TRPM7: variants seen among roughly 807,000 people sequenced by gnomAD.
TRPM7 encodes the protein LTRPC ion channel family member 7.
In TRPM7, 134 loss-of-function variants were observed where a neutral mutation model predicts 229.7. The ratio of observed to expected loss-of-function variants is 0.58; its 90% CI spans 0.51 to 0.67. TRPM7 has a LOEUF of 0.67. Ranked by LOEUF, TRPM7 falls within the 30% of genes least tolerant of loss-of-function variation. The pLI, the probability that TRPM7 is intolerant of heterozygous loss-of-function variation, is 0.00. For synonymous variants in TRPM7, 699 were observed against 715.2 expected (o/e 0.98, Z 0.36); for missense variants, 1,901 against 2,210.0 (o/e 0.86, Z 2.80).
intron 2 of TRPM7, among the ~76,000 whole-genome samples, chr15:50,658,177 T>C (rs1295075005): frequency 6.6e-6 from 1 of 152,018 alleles, no homozygotes; most frequent in Non-Finnish European, 1.5e-5. Flanking sequence ...GCTAATTTTT[T>C]TGCATTTTTA....
At chr15:50,632,543 C>T (rs1028316313) in intron 9 of TRPM7, among the ~76,000 whole-genome samples, 3 of 152,068 alleles carry the variant, frequency 2.0e-5, no homozygotes, top group South Asian at 4.1e-4. Flanking sequence ...TTTTTCCAAA[C>T]ATTTTATTAG....
chr15:50,595,233 G>A (rs1404440635), intron 23 of TRPM7, among the ~76,000 whole-genome samples: 1 of 151,282 alleles, frequency 6.6e-6, no homozygotes, highest in Non-Finnish European at 1.5e-5. Flanking sequence ...CTATCAAATT[G>A]GCAACCATTA....
intron 23 of TRPM7, among the ~76,000 whole-genome samples, chr15:50,595,959 C>T (rs928533978): frequency 1.3e-5 from 2 of 152,162 alleles, no homozygotes; most frequent in East Asian, 3.9e-4. Flanking sequence ...CAAATATTAA[C>T]AGTGGAATTA....
chr15:50,588,746 T>C (rs1263545095), intron 27 of TRPM7, among the ~76,000 whole-genome samples: 1 of 152,222 alleles, frequency 6.6e-6, no homozygotes, highest in Non-Finnish European at 1.5e-5. Flanking sequence ...CCAAAGGCTC[T>C]AAATAGCCAC....
chr15:50,633,233 G>C (rs2060791027), intron 8 of TRPM7, among the ~76,000 whole-genome samples: 1 of 152,138 alleles, frequency 6.6e-6, no homozygotes, highest in Non-Finnish European at 1.5e-5. Context: ...AAAAGTATGT[G>C]TGTGGCAATA....
chr15:50,631,579 C>A (rs555133218), intron 9 of TRPM7, 90 bp from the exon 10 acceptor site: 2 of 708,720 alleles, frequency 2.8e-6, no homozygotes, highest in East Asian at 5.4e-5. Flanking sequence ...ATATGGGGGG[C>A]AAAATATATA....
rs760732653 is a variant in TRPM7, at chr15:50,632,996, GA to G, written c.1008-5del. 4 of 1,576,656 alleles carry G rather than the reference GA, an allele frequency of 2.5e-6. No individual in the cohort carries two copies. In the Admixed American group the frequency reaches 8.1e-5, roughly 32 times the overall value. On this transcript the variant is annotated splice_polypyrimidine_tract_variant and splice_region_variant and intron_variant, in intron 8 of 38. Coordinates refer to ENST00000646667, the MANE Select transcript of TRPM7 (RefSeq NM_017672.6). ...CTCTGCTGCATCAGGAAGATTCCTG[GA>G]ATAAAAGGAAACATAATTCACTGAT...
At chr15:50,640,807 A>C (rs1014514716) in intron 5 of TRPM7, among the ~76,000 whole-genome samples, 2 of 152,152 alleles carry the variant, frequency 1.3e-5, no homozygotes, top group Non-Finnish European at 2.9e-5. Context: ...ATACAAAAGG[A>C]AACACCAAGG....
At chr15:50,681,057 C>A (rs2062231016) in intron 1 of TRPM7, among the ~76,000 whole-genome samples, 2 of 152,114 alleles carry the variant, frequency 1.3e-5, no homozygotes, top group African/African-American at 4.8e-5. Context: ...TCGAGACCAG[C>A]CTGACCAACA....
At chr15:50,566,523 C>G (rs1288683768) in intron 38 of TRPM7, among the ~76,000 whole-genome samples, 1 of 151,998 alleles carries the variant, frequency 6.6e-6, no homozygotes, top group Non-Finnish European at 1.5e-5. Flanking sequence ...TGGTGAAACC[C>G]TGACTCTACT....
chr15:50,565,152 T>C (rs1247980422), intron 38 of TRPM7, among the ~76,000 whole-genome samples: 5 of 152,074 alleles, frequency 3.3e-5, no homozygotes, highest in Admixed American at 3.3e-4. Context: ...CAGCTAATTT[T>C]TGTATTTTTA....
chr15:50,598,819 T>C (rs185297108), intron 22 of TRPM7, among the ~76,000 whole-genome samples: 66 of 152,302 alleles, frequency 4.3e-4, no homozygotes, highest in Non-Finnish European at 7.1e-4. Context: ...TCCTTAGCTA[T>C]GAATTAACCA....
chr15:50,583,146 A>C lies in TRPM7; in HGVS notation c.4500T>G (p.Ser1500Arg). Residue 1500 changes from serine to arginine, a missense_variant, in exon 29 of 39, where the codon AGT becomes AGG. Ser to Arg is a moderately radical substitution (Grantham distance 110). This residue lies in a region of TRPM7 where 533 missense variants were observed against 497.1 expected (regional missense o/e 1.07). Transcript: ENST00000646667. Reference sequence around the variant, plus strand: ...GAGTGTCTTCGGTAGATGGCCTTCTACTGATTTTTTCTGCTAAAAGAAAAT... The same window carrying C: ...GAGTGTCTTCGGTAGATGGCCTTCTCCTGATTTTTTCTGCTAAAAGAAAAT... ...PVHSKQAEKI[S>R]RRPSTEDTHE... The C allele has an allele frequency of 6.3e-7, 1 of 1,592,550 alleles. No homozygotes were observed. Among genetic ancestry groups the C allele is most frequent in the Non-Finnish European group, 8.5e-7 (1 of 1,176,646 alleles).
chr15:50,589,486 G>A (rs1017681746), intron 27 of TRPM7, 106 bp downstream of exon 27: 22 of 784,736 alleles, frequency 2.8e-5, no homozygotes, highest in Non-Finnish European at 4.1e-5. Flanking sequence ...AATGATATCT[G>A]CTAAAACTGT....
intron 21 of TRPM7, chr15:50,603,843 T>C (rs1002237780): frequency 1.3e-5 from 2 of 152,222 alleles, no homozygotes; most frequent in African/African-American, 4.8e-5. Flanking sequence ...AGAAACAGCA[T>C]GTATTTTTAA....
Position 50,608,611 on chromosome 15 carries a change from G to A in TRPM7, c.2580+970C>T, listed in dbSNP as rs180861610. Among the ~76,000 whole-genome samples the A allele has an allele frequency of 3.9e-5, 6 of 152,284 alleles. No homozygotes were observed. The East Asian group carries it at 1.2e-3, about 29-fold the overall frequency. On this transcript the variant is annotated intron_variant, in intron 19 of 38. Transcript: ENST00000646667. Reference sequence around the variant, plus strand: ...CAGATAACTGATATTTGCAATTCCAGCCTCTGAATAGGAAGGAACAAGAAC... The same window carrying A: ...CAGATAACTGATATTTGCAATTCCAACCTCTGAATAGGAAGGAACAAGAAC...
intron 20 of TRPM7, among the ~76,000 whole-genome samples, chr15:50,605,492 C>T (rs1245190446): frequency 2.0e-5 from 3 of 152,194 alleles, no homozygotes; most frequent in South Asian, 4.1e-4. Context: ...CCAAACCTGC[C>T]TTCTTTGTAG....
Position 50,686,741 on chromosome 15 carries a change from G to GT in TRPM7, c.-209dup. ...ATAATTGTGCGACCAACTCCTCCGG[G>GT]TGACTGGCCACAGGGACGCGCCCGC... On this transcript the variant is annotated 5_prime_UTR_variant, in exon 1 of 39. Transcript: ENST00000646667. 2 of 605,824 alleles carry GT rather than the reference G, an allele frequency of 3.3e-6. No homozygotes were observed. The highest frequency in any genetic ancestry group is 5.4e-6 in the Non-Finnish European group (2 of 373,454). 37.5% of individuals were successfully genotyped at this position (605,824 alleles called of 1,614,324 possible).
At chr15:50,655,466 T>A (rs546457628) in intron 3 of TRPM7, among the ~76,000 whole-genome samples, 4 of 148,350 alleles carry the variant, frequency 2.7e-5, no homozygotes, top group African/African-American at 9.9e-5. Flanking sequence ...CAAAAAACCT[T>A]CTCAATCAGG....
Sources: allele counts gnomAD v4.1 joint callset (sites outside exome capture counted in the v4.1 genomes callset), GRCh38; gene constraint gnomAD v4.1.1; regional missense constraint gnomAD v4.1.1; transcripts MANE v1.5; gene names NCBI Gene and HGNC (gene_info 2026-07-23, HGNC 2026-07-21).